The following COCH variants were observed in gnomAD, a reference collection of about 807,000 sequenced individuals.
COCH encodes the protein coagulation factor C homolog, cochlin (Limulus polyphemus).
In COCH, 40 loss-of-function variants were observed where a neutral mutation model predicts 54.8. The observed-to-expected ratio is 0.73, with a 90% CI of 0.57 to 0.95. The LOEUF (loss-of-function observed/expected upper bound fraction) is 0.95, where lower values mean the gene tolerates loss of function less well. COCH is among the 40% of genes least tolerant of loss of function. COCH has a pLI of 0.00. For synonymous variants in COCH, 256 were observed against 237.9 expected, an observed-to-expected ratio of 1.08 and a Z score of -0.70; for missense variants, 605 against 675.0, an observed-to-expected ratio of 0.90 and a Z score of 1.15.
chr14:30,890,647 C>CT, downstream of COCH: 1 of 866,478 alleles, frequency 1.2e-6, no homozygotes, highest in South Asian at 5.3e-5. Context: ...CTGCTAGTGT[C>CT]TCCCCTGAGG....
Position 30,877,666 on chromosome 14 carries a change from C to A in COCH, c.177C>A (p.Phe59Leu), listed in dbSNP as rs772104254. 10 of 1,614,082 alleles carry A rather than the reference C, an allele frequency of 6.2e-6. No homozygotes were observed. In the Admixed American group the frequency reaches 1.7e-4, roughly 27 times the overall value. Residue 59 changes from phenylalanine (F) to leucine (L), a missense_variant, in exon 4 of 12, where the codon TTC (phenylalanine) becomes TTA (leucine). Coordinates refer to ENST00000396618, the MANE Select transcript of COCH (RefSeq NM_004086.3). The surrounding 1 kb of genome is among the most constrained non-coding windows in gnomAD (Gnocchi z 8.6). ...CAGGGGGCTGCCCTCTTGAGGAATT[C>A]TCTGTGTATGGGAACATAGTATATG... ...LCPGGCPLEEFSVYGNIVYAS... is the reference protein window; with the variant it reads ...LCPGGCPLEELSVYGNIVYAS...
chr14:30,888,658 T>C (rs1316033589), intron 11 of COCH, among the ~76,000 whole-genome samples: 1 of 152,000 alleles, frequency 6.6e-6, no homozygotes, highest in East Asian at 1.9e-4. Flanking sequence ...CTTAGTGGCA[T>C]GCGCTTGTAG....
intron 3 of COCH, among the ~76,000 whole-genome samples, chr14:30,876,888 TCCCGGGCTCA>T (rs927984357): frequency 1.3e-5 from 2 of 152,044 alleles, no homozygotes; most frequent in Non-Finnish European, 2.9e-5. Context: ...AAGCTTGAAC[TCCCGGGCTCA>T]AGCAATCCTC....
chr14:30,885,182 T>C, intron 9 of COCH: 1 of 1,126,806 alleles, frequency 8.9e-7, no homozygotes, highest in Admixed American at 2.2e-5. Context: ...ATATGGCTTG[T>C]GAAGATAAAT....
intron 11 of COCH, chr14:30,889,262 G>A (rs1196726812): frequency 3.9e-6 from 1 of 254,592 alleles, no homozygotes; most frequent in Non-Finnish European, 7.7e-6. Context: ...TTTACTGTAG[G>A]ATTTTAAAAA....
intron 3 of COCH, chr14:30,876,555 A>G (rs1895362742): frequency 6.6e-6 from 1 of 152,248 alleles, no homozygotes; most frequent in African/African-American, 2.4e-5. Context: ...TTTCTCATCT[A>G]TAAAATGAAC....
At chr14:30,894,760 C>A, downstream of COCH, 1 of 211,468 alleles carries the variant, frequency 4.7e-6, no homozygotes, top group Non-Finnish European at 9.3e-6. Flanking sequence ...TTGTATAATG[C>A]AGAAAAACTT....
intron 10 of COCH, 84 bp from the exon 11 acceptor site, chr14:30,885,712 C>T: frequency 1.9e-6 from 3 of 1,556,406 alleles, no homozygotes; most frequent in South Asian, 2.2e-5. Context: ...TCTAGATTAA[C>T]TTGAAACATT....
rs1234497536 is a variant in COCH at position 30,875,114 on chromosome 14, G to A, written c.82+11G>A. The stretch of plus-strand genomic sequence containing the variant: ...GCAGCGAGGGAGCCGGTGAGTGGGG[G>A]AGCTGGGGTGCGTCCAGGCGGTCGC... On this transcript the variant is annotated intron_variant, in intron 3 of 11. Transcript: ENST00000396618. 6.4e-7 allele frequency: 1 copy of A among 1,558,122 alleles called. No individual in the cohort carries two copies. Among genetic ancestry groups the A allele is most frequent in the South Asian group, 1.2e-5 (1 of 85,442 alleles).
intron 3 of COCH, chr14:30,875,561 C>T (rs1895329059): frequency 2.1e-6 from 1 of 482,366 alleles, no homozygotes; most frequent in African/African-American, 2.0e-5. Flanking sequence ...GCTGTCCCAC[C>T]TTGTTTGACT....
intron 3 of COCH, chr14:30,875,482 G>A (rs961104961): frequency 3.8e-6 from 2 of 519,502 alleles, no homozygotes; most frequent in African/African-American, 2.0e-5. Context: ...GCTGCGTTTG[G>A]GGGTGGAGGA....
Position 30,886,295 on chromosome 14 carries a change from C to T in COCH, c.1460C>T (p.Ala487Val), listed in dbSNP as rs754636399. 1 of 1,614,030 alleles carries T rather than the reference C, an allele frequency of 6.2e-7. No homozygotes were observed. The highest frequency in any genetic ancestry group is 8.5e-7 in the Non-Finnish European group (1 of 1,180,026). The change falls in exon 11 of 12, where the codon GCT (alanine) becomes GTT (valine). Residue 487 changes from alanine to valine, a missense_variant. By Grantham distance (64) the Ala-to-Val change is moderately conservative (BLOSUM62 0). Coordinates refer to ENST00000396618, the MANE Select transcript of COCH (RefSeq NM_004086.3). ...TATGATGATGTCCAAGGCCCTGCAG[C>T]TGCTGCACATGATGCAGGTAAGGTC... ...QSYDDVQGPAAAAHDAGITIF... is the reference protein window; with the variant it reads ...QSYDDVQGPAVAAHDAGITIF...
At chr14:30,878,756 T>C in intron 4 of COCH, 55 bp from the exon 5 acceptor site, 1 of 1,613,300 alleles carries the variant, frequency 6.2e-7, no homozygotes, top group South Asian at 1.1e-5. Context: ...TATAAGTCAG[T>C]GGGATGCCCT....
chr14:30,882,869 A>T (rs1188224880), intron 8 of COCH, among the ~76,000 whole-genome samples: 2 of 152,224 alleles, frequency 1.3e-5, no homozygotes, highest in African/African-American at 4.8e-5. Flanking sequence ...AGCCTGGACA[A>T]CAGAGAAAGA....
chr14:30,886,428 A>T, intron 11 of COCH, 116 bp downstream of exon 11: 1 of 1,100,566 alleles, frequency 9.1e-7, no homozygotes, highest in Non-Finnish European at 1.3e-6. Context: ...GCTTTACCCA[A>T]TATTAACTGT....
rs148156593 is a variant in COCH, at chr14:30,884,662, T to C, written c.733+6T>C. On this transcript the variant is annotated splice_donor_region_variant and intron_variant, in intron 9 of 11. Transcript: ENST00000396618. ...AGGGGGTAATTCCAATACAGGTAAG[T>C]AGACTTTGATACCTGGGATGTAACA... The C allele has an allele frequency of 7.1e-6, 11 of 1,556,958 alleles. No homozygotes were observed. The highest frequency in any genetic ancestry group is 9.8e-6 in the Non-Finnish European group (11 of 1,128,096).
downstream of COCH, chr14:30,895,610 G>A (rs766313663): frequency 1.2e-6 from 2 of 1,609,708 alleles, no homozygotes; most frequent in South Asian, 1.1e-5. Flanking sequence ...ATTTGTTACT[G>A]AGTAACAATC....
At chr14:30,874,848 G>C in intron 1 of COCH, 68 bp from the exon 2 acceptor site, 1 of 1,446,012 alleles carries the variant, frequency 6.9e-7, no homozygotes, top group Non-Finnish European at 9.7e-7. Flanking sequence ...AAGGGTGCGG[G>C]GCTCTGAGGA....
rs770350333 is a variant in COCH, at chr14:30,885,882, G to A, written c.1047G>A (p.Lys349=). 6.2e-7 allele frequency: 1 copy of A among 1,614,198 alleles called. No individual in the cohort carries two copies. Among genetic ancestry groups the A allele is most frequent in the Non-Finnish European group, 8.5e-7 (1 of 1,180,020 alleles). Residue 349 remains lysine (K), a synonymous_variant, in exon 11 of 12, where the codon AAG becomes AAA. Coordinates refer to ENST00000396618, the MANE Select transcript of COCH (RefSeq NM_004086.3). ...AATACGTAAAGCCTCTGGTACAGAA[G>A]CTGTGCACTCATGAACAAATGATGT... ...TTKYVKPLVQ[K]LCTHEQMMCS...
Sources: gnomAD v4.1 joint callset for allele counts (sites outside exome capture counted in the v4.1 genomes callset) on GRCh38, gnomAD v4.1.1 for gene constraint, Gnocchi (gnomAD v3.1) non-coding constraint, MANE v1.5 for transcripts, NCBI Gene and HGNC (gene_info 2026-07-23, HGNC 2026-07-21) for gene names.